ADAMTS20: variants seen among roughly 807,000 people sequenced by gnomAD.
ADAMTS20 encodes the protein ADAM metallopeptidase with thrombospondin type 1 motif 20, also known as A disintegrin and metalloproteinase with thrombospondin motifs 20.
ADAMTS20 carries 225 observed loss-of-function variants against 260.1 expected under a neutral mutation model. The observed-to-expected ratio is 0.87, with a 90% CI of 0.78 to 0.97. The LOEUF is 0.97. ADAMTS20 is among the 50% of genes least tolerant of loss of function. The pLI is 0.00. For synonymous variants in ADAMTS20, 802 were observed against 769.5 expected (o/e 1.04, Z -0.70); for missense variants, 2,400 against 2,337.7 (o/e 1.03, Z -0.55).
intron 11 of ADAMTS20, among the ~76,000 whole-genome samples, chr12:43,462,164 T>C (rs1260374992): frequency 1.3e-5 from 2 of 152,236 alleles, no homozygotes; most frequent in Non-Finnish European, 2.9e-5. Flanking sequence ...TTTTGGCTAA[T>C]GTGAAGGTAA....
intron 10 of ADAMTS20, among the ~76,000 whole-genome samples, chr12:43,463,597 G>C (rs1370806821): frequency 6.6e-6 from 1 of 152,070 alleles, no homozygotes; most frequent in Non-Finnish European, 1.5e-5. Context: ...GGAAAGAAAT[G>C]TATCTTTTAC....
At position 43,551,105 on chromosome 12, in the gene ADAMTS20, C is replaced by T. The variant is rs1394121571; in HGVS notation, c.257G>A (p.Gly86Glu). 1.9e-6 allele frequency: 3 copies of T among 1,613,886 alleles called. No homozygotes were observed. Among genetic ancestry groups the T allele is most frequent in the East Asian group, 2.2e-5 (1 of 44,842 alleles). Residue 86 changes from glycine (G) to glutamate (E), a missense_variant, in exon 2 of 39, where the codon GGG becomes GAG. Physicochemically the swap from Gly to Glu is moderately conservative, Grantham distance 98. Transcript: ENST00000389420. This position sits in a 1 kb window ranked among gnomAD's most constrained non-coding sequence, Gnocchi z 4.6. ...GGTCAGGTTCAGCTGGAAGAGCTGCCCGTAGGCAGTGAAGCGATAGTGGGT... is the reference window on the plus strand; with the variant it reads ...GGTCAGGTTCAGCTGGAAGAGCTGCTCGTAGGCAGTGAAGCGATAGTGGGT... ...FRTHYRFTAY[G>E]QLFQLNLTAD...
At chr12:43,419,683 G>T (rs4768042) in intron 28 of ADAMTS20, among the ~76,000 whole-genome samples, 2 of 151,636 alleles carry the variant, frequency 1.3e-5, no homozygotes, top group East Asian at 1.9e-4. Context: ...AGAGTTTTTA[G>T]GGTTATTTTA....
rs1237600196 is a variant in ADAMTS20, at chr12:43,552,159, G to T, written c.-238C>A. On this transcript the variant is annotated 5_prime_UTR_variant, in exon 1 of 39. Transcript: ENST00000389420. Reference sequence around the variant, plus strand: ...TCACCCCCCTTCCTGCGCCCGCGCTGCCCTCAGAAACTCTCTGCTCAGGTT... The same window carrying T: ...TCACCCCCCTTCCTGCGCCCGCGCTTCCCTCAGAAACTCTCTGCTCAGGTT... Among the ~76,000 whole-genome samples the T allele has an allele frequency of 2.0e-5, 3 of 152,208 alleles. No individual in the cohort carries two copies. The highest frequency in any genetic ancestry group is 7.2e-5 in the African/African-American group (3 of 41,458).
chr12:43,409,951 T>C (rs1941000907), intron 28 of ADAMTS20, among the ~76,000 whole-genome samples: 1 of 152,224 alleles, frequency 6.6e-6, no homozygotes, highest in Non-Finnish European at 1.5e-5. Flanking sequence ...TTCTCAATAA[T>C]AGCTCAGAAT....
intron 2 of ADAMTS20, among the ~76,000 whole-genome samples, chr12:43,543,929 TA>T (rs1943409842): frequency 6.6e-6 from 1 of 152,186 alleles, no homozygotes; most frequent in African/African-American, 2.4e-5. Context: ...ATATAGCTCA[TA>T]AACATATTTG....
chr12:43,354,119 G>A lies in ADAMTS20; in HGVS notation c.*90C>T, dbSNP rs763434065. On this transcript the variant is annotated 3_prime_UTR_variant, in exon 39 of 39. Transcript: ENST00000389420. ...GAGACATATTGGACATGGAAATCTC[G>A]GGAAGGGAGATATAAAGAAATGAGC... The A allele has an allele frequency of 1.0e-5, 10 of 972,960 alleles. No homozygotes were observed. Among genetic ancestry groups the A allele is most frequent in the South Asian group, 1.8e-5 (1 of 55,534 alleles). The allele number at this position is 972,960 out of a possible 1,614,324, so 60.3% of individuals were successfully genotyped here.
chr12:43,423,628 A>G, intron 28 of ADAMTS20: 1 of 652,042 alleles, frequency 1.5e-6, no homozygotes. Flanking sequence ...ATGAAAGAAG[A>G]TGGAACAGAG....
chr12:43,536,153 A>G (rs1227200470), intron 2 of ADAMTS20, among the ~76,000 whole-genome samples: 1 of 152,166 alleles, frequency 6.6e-6, no homozygotes. Flanking sequence ...AAAGTAAATT[A>G]TATCATTATC....
At chr12:43,374,573 C>A (rs1281586547) in intron 36 of ADAMTS20, among the ~76,000 whole-genome samples, 1 of 152,054 alleles carries the variant, frequency 6.6e-6, no homozygotes, top group Non-Finnish European at 1.5e-5. Context: ...TCCCTAATGC[C>A]AGTACTAACT....
chr12:43,435,422 C>T (rs1252365157), intron 18 of ADAMTS20, among the ~76,000 whole-genome samples: 2 of 151,726 alleles, frequency 1.3e-5, no homozygotes, highest in East Asian at 1.9e-4. Context: ...GGGCGGATCA[C>T]GAGGTCAGGA....
intron 2 of ADAMTS20, 116 bp from the exon 3 acceptor site, chr12:43,532,311 T>G: frequency 1.1e-6 from 1 of 876,130 alleles, no homozygotes; most frequent in South Asian, 1.9e-5. Context: ...GTCTGTTCAC[T>G]AAGAGCCATC....
rs747566389 is a variant in ADAMTS20 at position 43,356,535 on chromosome 12, T to C, written c.5592A>G (p.Ala1864=). 10 of 1,612,184 alleles carry C rather than the reference T, an allele frequency of 6.2e-6. No homozygotes were observed. Among genetic ancestry groups the C allele is most frequent in the South Asian group, 1.1e-5 (1 of 90,546 alleles). Reference sequence around the variant, plus strand: ...TATAACTCCCCTGAGTGAGCCACTTTGCTGTGCTGGATATCTTCATCCCAG... The same window carrying C: ...TATAACTCCCCTGAGTGAGCCACTTCGCTGTGCTGGATATCTTCATCCCAG... ...SGTGMKISST[A]KWLTQGSYTS... The change falls in exon 38 of 39, where the codon GCA becomes GCG. Residue 1864 remains alanine (A), a synonymous_variant. Coordinates refer to ENST00000389420, the MANE Select transcript of ADAMTS20 (RefSeq NM_025003.5).
At chr12:43,463,311 A>T (rs1942098141) in intron 10 of ADAMTS20, among the ~76,000 whole-genome samples, 1 of 152,166 alleles carries the variant, frequency 6.6e-6, no homozygotes, top group African/African-American at 2.4e-5. Context: ...TTTCTAAAGA[A>T]CTTTTTATTG....
At chr12:43,498,158 C>G (rs1290546765) in intron 4 of ADAMTS20, among the ~76,000 whole-genome samples, 1 of 152,146 alleles carries the variant, frequency 6.6e-6, no homozygotes, top group Non-Finnish European at 1.5e-5. Flanking sequence ...TTCTTCTCCA[C>G]TAATTTTAAT....
intron 7 of ADAMTS20, among the ~76,000 whole-genome samples, chr12:43,472,965 G>C (rs1301735805): frequency 8.1e-6 from 1 of 122,816 alleles, no homozygotes; most frequent in East Asian, 2.6e-4. Flanking sequence ...CATAATGACA[G>C]GATCAAATTC....
At chr12:43,496,218 A>T (rs1233199599) in intron 4 of ADAMTS20, among the ~76,000 whole-genome samples, 1 of 152,226 alleles carries the variant, frequency 6.6e-6, no homozygotes, top group African/African-American at 2.4e-5. Flanking sequence ...TCAAGTTTAA[A>T]TGTATTAATT....
intron 18 of ADAMTS20, 39 bp from the exon 19 acceptor site, chr12:43,434,410 A>G (rs1260812167): frequency 2.0e-6 from 3 of 1,538,288 alleles, no homozygotes; most frequent in Middle Eastern, 1.7e-4. Context: ...ATGAAAGAAA[A>G]ATTCACAGTT....
chr12:43,386,392 A>T (rs1048160248), intron 29 of ADAMTS20, among the ~76,000 whole-genome samples: 4 of 152,156 alleles, frequency 2.6e-5, no homozygotes, highest in African/African-American at 4.8e-5. Flanking sequence ...GGGTAACCAG[A>T]CCATTCTCTC....
Sources: allele counts gnomAD v4.1 joint callset (sites outside exome capture counted in the v4.1 genomes callset), GRCh38; gene constraint gnomAD v4.1.1; non-coding constraint Gnocchi (gnomAD v3.1); transcripts MANE v1.5; gene names NCBI Gene and HGNC (gene_info 2026-07-23, HGNC 2026-07-21).